Variants in GRM1 observed in about 807,000 individuals in gnomAD.
GRM1 encodes the protein glutamate metabotropic receptor 1, also known as metabotropic glutamate receptor 1.
In GRM1, 33 loss-of-function variants were observed where a neutral mutation model predicts 90.9. The ratio of observed to expected loss-of-function variants is 0.36; its 90% CI spans 0.28 to 0.49. The LOEUF (loss-of-function observed/expected upper bound fraction) is 0.49. Among genes scored for constraint, GRM1 ranks in the 20% least tolerant of loss-of-function variants. The pLI is 0.99. For synonymous variants in GRM1, 700 were observed against 613.2 expected (o/e 1.14, Z -2.09); for missense variants, 1,190 against 1,534.3 (o/e 0.78, Z 3.75).
intron 1 of GRM1, among the ~76,000 whole-genome samples, chr6:146,127,978 C>A (rs1776258303): frequency 6.6e-6 from 1 of 152,138 alleles, no homozygotes; most frequent in South Asian, 2.1e-4. Flanking sequence ...TGCTCACAAG[C>A]CTCCCTGGCA....
intron 7 of GRM1, among the ~76,000 whole-genome samples, chr6:146,431,676 TA>T (rs1463881049): frequency 2.0e-5 from 3 of 152,142 alleles, no homozygotes; most frequent in Admixed American, 1.3e-4. Context: ...TGGTGAACAT[TA>T]AAAAGGCATT....
chr6:146,312,188 A>G (rs981810840), intron 3 of GRM1, among the ~76,000 whole-genome samples: 2 of 151,684 alleles, frequency 1.3e-5, no homozygotes, highest in Admixed American at 1.3e-4. Context: ...AAAAACACAA[A>G]AAATTAGCCG....
chr6:146,155,276 A>G (rs940980950), intron 1 of GRM1, among the ~76,000 whole-genome samples: 1 of 152,156 alleles, frequency 6.6e-6, no homozygotes, highest in Non-Finnish European at 1.5e-5. Context: ...TGGTACTTTT[A>G]CTGTACTTTC....
chr6:146,196,580 C>T (rs6904198), intron 2 of GRM1, among the ~76,000 whole-genome samples: 16,191 of 149,988 alleles, frequency 0.11, 1,825 homozygotes, highest in African/African-American at 0.29. Context: ...GCTGGGATTA[C>T]AGGCATGAGC....
At chr6:146,118,203 G>A (rs1304298729) in intron 1 of GRM1, among the ~76,000 whole-genome samples, 9 of 140,784 alleles carry the variant, frequency 6.4e-5, no homozygotes, top group South Asian at 2.2e-4. Context: ...GCAGTGGTGC[G>A]ATCTCCGCTC....
At chr6:146,246,161 G>A (rs923453651) in intron 2 of GRM1, among the ~76,000 whole-genome samples, 5 of 152,130 alleles carry the variant, frequency 3.3e-5, no homozygotes, top group African/African-American at 4.8e-5. Context: ...GGAAATTCTC[G>A]ATCACTAGCA....
intron 2 of GRM1, among the ~76,000 whole-genome samples, chr6:146,241,836 C>T (rs1318607061): frequency 6.6e-6 from 1 of 152,046 alleles, no homozygotes; most frequent in Non-Finnish European, 1.5e-5. Context: ...CTATAAAATA[C>T]CTACTGGGCA....
chr6:146,140,090 A>ATT (rs1776795874), intron 1 of GRM1, among the ~76,000 whole-genome samples: 1 of 57,874 alleles, frequency 1.7e-5, no homozygotes, highest in African/African-American at 7.7e-5. Flanking sequence ...TTCTTTCTTT[A>ATT]TTCTTTCTTT....
intron 1 of GRM1, among the ~76,000 whole-genome samples, chr6:146,090,717 A>G (rs1358094274): frequency 6.6e-6 from 1 of 152,072 alleles, no homozygotes; most frequent in Non-Finnish European, 1.5e-5. Flanking sequence ...CCACACAGTG[A>G]CGATAAAAGC....
At chr6:146,411,329 C>T (rs535544489) in intron 7 of GRM1, among the ~76,000 whole-genome samples, 3 of 151,894 alleles carry the variant, frequency 2.0e-5, no homozygotes, top group South Asian at 4.2e-4. Context: ...GATGTAAAGA[C>T]GGGAAAAAAA....
At chr6:146,296,986 G>A (rs890209217) in intron 2 of GRM1, among the ~76,000 whole-genome samples, 7 of 152,122 alleles carry the variant, frequency 4.6e-5, no homozygotes, top group African/African-American at 1.7e-4. Flanking sequence ...GGGCCTTACA[G>A]GCTATTGTTG....
intron 1 of GRM1, among the ~76,000 whole-genome samples, chr6:146,107,164 C>T (rs1463447252): frequency 6.6e-6 from 1 of 152,086 alleles, no homozygotes; most frequent in East Asian, 1.9e-4. Context: ...GTTCCCTCTC[C>T]TCTAAGATTA....
intron 1 of GRM1, among the ~76,000 whole-genome samples, chr6:146,034,556 CA>C (rs1790816832): frequency 2.0e-5 from 3 of 151,960 alleles, no homozygotes; most frequent in Admixed American, 2.0e-4. Context: ...TTATTAGCTT[CA>C]ATCTGCCTTT....
chr6:146,303,036 C>G (rs1259380815), intron 2 of GRM1, among the ~76,000 whole-genome samples: 1 of 152,108 alleles, frequency 6.6e-6, no homozygotes, highest in East Asian at 1.9e-4. Context: ...CTCAAAGTCC[C>G]TTTAGTTCTG....
intron 3 of GRM1, among the ~76,000 whole-genome samples, chr6:146,323,724 G>T (rs897776884): frequency 6.6e-6 from 1 of 152,116 alleles, no homozygotes; most frequent in African/African-American, 2.4e-5. Flanking sequence ...TATGGTTTTA[G>T]GTCTAATATT....
chr6:146,218,490 T>C (rs1779949637), intron 2 of GRM1, among the ~76,000 whole-genome samples: 1 of 152,198 alleles, frequency 6.6e-6, no homozygotes, highest in East Asian at 1.9e-4. Flanking sequence ...GAGTCTTTAC[T>C]AAGGAAACTT....
intron 1 of GRM1, among the ~76,000 whole-genome samples, chr6:146,098,390 G>A (rs1776941093): frequency 6.6e-6 from 1 of 152,090 alleles, no homozygotes; most frequent in Non-Finnish European, 1.5e-5. Flanking sequence ...ATAGTCCTAA[G>A]TAGTAAAAAT....
chr6:146,271,622 GTT>G (rs1338924090), intron 2 of GRM1, among the ~76,000 whole-genome samples: 4 of 152,194 alleles, frequency 2.6e-5, no homozygotes, highest in African/African-American at 7.2e-5. Flanking sequence ...CTGTCATTAA[GTT>G]TTGTAAGCAT....
intron 3 of GRM1, among the ~76,000 whole-genome samples, chr6:146,348,212 C>G (rs1190010631): frequency 6.6e-6 from 1 of 152,200 alleles, no homozygotes; most frequent in Non-Finnish European, 1.5e-5. Flanking sequence ...CACCTTCCCA[C>G]CAGGTGACAA....
Sources: allele counts gnomAD v4.1 joint callset (sites outside exome capture counted in the v4.1 genomes callset), GRCh38; gene constraint gnomAD v4.1.1; transcripts MANE v1.5; gene names NCBI Gene and HGNC (gene_info 2026-07-23, HGNC 2026-07-21).